Variants in MAGED1 observed in about 807,000 individuals in gnomAD.
The protein encoded by MAGED1 is MAGE family member D1.
Under a neutral mutation model 54.1 loss-of-function variants are expected in MAGED1, and 3 were observed. That is an observed-to-expected ratio of 0.06 (90% CI 0.03 to 0.14). The LOEUF (loss-of-function observed/expected upper bound fraction) is 0.14. Ranked by LOEUF, MAGED1 falls within the 10% of genes least tolerant of loss-of-function variation. MAGED1 has a pLI of 1.00. For missense variants in MAGED1, 485 were observed against 623.4 expected (o/e 0.78, Z 2.36); for synonymous variants, 217 against 227.3 (o/e 0.95, Z 0.41).
chrX:51,887,512 G>T (rs1557362911), intron 1 of MAGED1, among the ~76,000 whole-genome samples: 1 of 111,477 alleles, frequency 9.0e-6, no homozygotes, highest in African/African-American at 3.3e-5. Context: ...ATAGAACAGA[G>T]AACTCAGAAA....
intron 1 of MAGED1, among the ~76,000 whole-genome samples, chrX:51,878,469 C>T (rs1423585612): frequency 9.0e-6 from 1 of 111,119 alleles, no homozygotes; most frequent in Non-Finnish European, 1.9e-5. Flanking sequence ...CATGGATGGT[C>T]GTTCAAGCAG....
chrX:51,842,097 T>C (rs1249490787), intron 1 of MAGED1, among the ~76,000 whole-genome samples: 1 of 112,317 alleles, frequency 8.9e-6, no homozygotes, highest in Non-Finnish European at 1.9e-5. Context: ...AATAATGTTG[T>C]AATGAACTTA....
intron 1 of MAGED1, among the ~76,000 whole-genome samples, chrX:51,812,988 A>G (rs1257288286): frequency 1.9e-5 from 2 of 103,349 alleles, no homozygotes; most frequent in African/African-American, 7.1e-5. Flanking sequence ...AATCTCACTT[A>G]ATTTTTAAAA....
chrX:51,900,079 G>T (rs1003677710), intron 10 of MAGED1, 103 bp from the exon 11 acceptor site: 50 of 526,504 alleles, frequency 9.5e-5, no homozygotes, highest in Non-Finnish European at 1.3e-4. Flanking sequence ...GCCCAAGGGG[G>T]AGTTGCTATC....
chrX:51,861,347 T>A (rs1642745072), intron 1 of MAGED1, among the ~76,000 whole-genome samples: 1 of 111,951 alleles, frequency 8.9e-6, no homozygotes, highest in Non-Finnish European at 1.9e-5. Context: ...ACCACCAGAC[T>A]TGAACACTTG....
chrX:51,876,628 G>A (rs1557362023), intron 1 of MAGED1, among the ~76,000 whole-genome samples: 1 of 111,106 alleles, frequency 9.0e-6, no homozygotes, highest in Non-Finnish European at 1.9e-5. Context: ...AGCTTTCTGA[G>A]TACATATGGG....
intron 1 of MAGED1, among the ~76,000 whole-genome samples, chrX:51,814,448 T>A (rs1162236604): frequency 2.7e-5 from 3 of 111,947 alleles, no homozygotes; most frequent in Non-Finnish European, 5.6e-5. Flanking sequence ...AGTCCTTTAA[T>A]CTTATATGAC....
chrX:51,889,627 CAA>C (rs1170454113), upstream of MAGED1, among the ~76,000 whole-genome samples: 45 of 16,907 alleles, frequency 2.7e-3, no homozygotes, highest in African/African-American at 5.9e-3. Flanking sequence ...GACTCTGTCT[CAA>C]AAAAAAAAAA....
At chrX:51,807,164 T>C (rs1251787009) in intron 1 of MAGED1, among the ~76,000 whole-genome samples, 5 of 111,907 alleles carry the variant, frequency 4.5e-5, no homozygotes, top group Non-Finnish European at 7.5e-5. Context: ...CTAATGGTTA[T>C]GAATGGTATC....
chrX:51,895,370 T>C lies in MAGED1; in HGVS notation c.363T>C (p.Gly121=). The C allele has an allele frequency of 8.3e-7, 1 of 1,207,360 alleles. No homozygotes were observed. Among genetic ancestry groups the C allele is most frequent in the Non-Finnish European group, 1.1e-6 (1 of 893,305 alleles). Residue 121 remains glycine, a synonymous_variant, in exon 3 of 13, where the codon GGT becomes GGC. Transcript: ENST00000326587. The part of the protein sequence containing the change: ...AFKSQNATPK[G]PNAAYDFSQA... Reference sequence around the variant, plus strand: ...AGTCCCAAAATGCTACCCCAAAGGGTCCAAATGCTGCCTATGATTTTTCCC... The same window carrying C: ...AGTCCCAAAATGCTACCCCAAAGGGCCCAAATGCTGCCTATGATTTTTCCC...
intron 1 of MAGED1, among the ~76,000 whole-genome samples, chrX:51,821,586 C>T (rs1204117280): frequency 9.0e-6 from 1 of 110,918 alleles, no homozygotes; most frequent in African/African-American, 3.3e-5. Flanking sequence ...GACTGGGTTT[C>T]GCCATGTTGC....
intron 1 of MAGED1, among the ~76,000 whole-genome samples, chrX:51,809,321 A>G (rs1413671095): frequency 9.0e-6 from 1 of 110,726 alleles, no homozygotes; most frequent in Non-Finnish European, 1.9e-5. Context: ...TCACTGTGTT[A>G]GCCAGGATGG....
At chrX:51,874,546 C>T (rs1352831967) in intron 1 of MAGED1, among the ~76,000 whole-genome samples, 2 of 111,314 alleles carry the variant, frequency 1.8e-5, no homozygotes, top group Admixed American at 1.9e-4. Flanking sequence ...GTTCACTAAT[C>T]TTTAGTAATT....
chrX:51,873,033 T>G (rs1368144696), intron 1 of MAGED1, among the ~76,000 whole-genome samples: 2 of 104,032 alleles, frequency 1.9e-5, no homozygotes, highest in African/African-American at 7.0e-5. Context: ...TAAACTTGCT[T>G]TCTTTCATTG....
chrX:51,866,033 C>T (rs782030302), intron 1 of MAGED1, among the ~76,000 whole-genome samples: 1 of 112,055 alleles, frequency 8.9e-6, no homozygotes, highest in Non-Finnish European at 1.9e-5. Flanking sequence ...GAACCATAAA[C>T]TAATTAAACC....
intron 1 of MAGED1, among the ~76,000 whole-genome samples, chrX:51,868,272 T>G (rs1329736916): frequency 9.0e-6 from 1 of 111,112 alleles, no homozygotes; most frequent in East Asian, 2.8e-4. Context: ...TAAGTGTGTG[T>G]GTGTGTTTGT....
At chrX:51,899,720 G>A (rs1928923920) in intron 10 of MAGED1, 1 of 135,652 alleles carries the variant, frequency 7.4e-6, no homozygotes, top group African/African-American at 3.2e-5. Flanking sequence ...GGGATTACAG[G>A]TGTGAGCCAC....
intron 1 of MAGED1, among the ~76,000 whole-genome samples, chrX:51,828,667 C>T (rs1445944197): frequency 9.0e-6 from 1 of 111,132 alleles, no homozygotes; most frequent in Non-Finnish European, 1.9e-5. Flanking sequence ...TCTAGCTTTT[C>T]GGTCTTGTAA....
intron 1 of MAGED1, among the ~76,000 whole-genome samples, chrX:51,851,565 G>C (rs1249851443): frequency 4.5e-5 from 5 of 110,580 alleles, no homozygotes; most frequent in African/African-American, 9.9e-5. Flanking sequence ...ACAATAGACT[G>C]TAATAACAGT....
Sources: gnomAD v4.1 joint callset for allele counts (sites outside exome capture counted in the v4.1 genomes callset) on GRCh38, gnomAD v4.1.1 for gene constraint, MANE v1.5 for transcripts, NCBI Gene and HGNC (gene_info 2026-07-23, HGNC 2026-07-21) for gene names.